Variants in PEPD observed in about 807,000 individuals in gnomAD.
PEPD encodes the protein xaa-Pro dipeptidase.
PEPD carries 53 observed loss-of-function variants against 60.7 expected under a neutral mutation model. That is an observed-to-expected ratio of 0.87 (90% CI 0.70 to 1.10). The LOEUF (loss-of-function observed/expected upper bound fraction) is 1.10. Among genes scored for constraint, PEPD ranks in the 50% least tolerant of loss-of-function variants. The pLI, the probability that PEPD is intolerant of heterozygous loss-of-function variation, is 0.00. For synonymous variants in PEPD, 267 were observed against 284.1 expected (o/e 0.94, Z 0.60); for missense variants, 711 against 711.9 (o/e 1.00, Z 0.01).
intron 12 of PEPD, among the ~76,000 whole-genome samples, chr19:33,400,251 C>T (rs1480341680): frequency 1.3e-5 from 2 of 152,142 alleles, no homozygotes; most frequent in Non-Finnish European, 2.9e-5. Context: ...CTGACCTCGA[C>T]CCAGATGGAG....
chr19:33,520,234 G>A (rs143451930), intron 1 of PEPD, among the ~76,000 whole-genome samples: 71 of 152,166 alleles, frequency 4.7e-4, no homozygotes, highest in South Asian at 2.3e-3. Flanking sequence ...TGTGAGCACC[G>A]AGCCAGCCTA....
At chr19:33,460,752 C>T (rs1969910725) in intron 9 of PEPD, among the ~76,000 whole-genome samples, 2 of 152,168 alleles carry the variant, frequency 1.3e-5, no homozygotes, top group South Asian at 4.1e-4. Flanking sequence ...CCACTCAGCA[C>T]CCTGTGGGAG....
intron 9 of PEPD, among the ~76,000 whole-genome samples, chr19:33,437,986 C>T (rs1274244168): frequency 6.6e-6 from 1 of 152,200 alleles, no homozygotes; most frequent in Admixed American, 6.5e-5. Flanking sequence ...ACAGAAAAAA[C>T]AATGCAGGAA....
intron 9 of PEPD, among the ~76,000 whole-genome samples, chr19:33,440,279 A>G (rs1166625753): frequency 6.6e-6 from 1 of 152,088 alleles, no homozygotes; most frequent in Non-Finnish European, 1.5e-5. Flanking sequence ...CCCTGGAGTC[A>G]TCCTGGACTC....
chr19:33,516,519 C>T (rs1971025415), intron 1 of PEPD, among the ~76,000 whole-genome samples: 1 of 152,108 alleles, frequency 6.6e-6, no homozygotes, highest in African/African-American at 2.4e-5. Context: ...AACGGAGTGA[C>T]CAAGACTGAG....
chr19:33,404,828 C>G (rs926886090), intron 11 of PEPD, among the ~76,000 whole-genome samples: 1 of 152,064 alleles, frequency 6.6e-6, no homozygotes, highest in Non-Finnish European at 1.5e-5. Context: ...TAAAAAAATC[C>G]CCCTAGAGTT....
chr19:33,500,641 G>A (rs1350250925), intron 4 of PEPD, among the ~76,000 whole-genome samples: 1 of 152,234 alleles, frequency 6.6e-6, no homozygotes, highest in Non-Finnish European at 1.5e-5. Flanking sequence ...GCTGCAGGCA[G>A]GCCCGCCTCT....
chr19:33,415,462 G>A (rs945866412), intron 9 of PEPD, among the ~76,000 whole-genome samples: 7 of 152,208 alleles, frequency 4.6e-5, no homozygotes, highest in South Asian at 2.1e-4. Context: ...GCTTGAGGCC[G>A]GGAGTTCAAG....
At chr19:33,462,109 G>A (rs1215647113) in intron 9 of PEPD, among the ~76,000 whole-genome samples, 1 of 152,260 alleles carries the variant, frequency 6.6e-6, no homozygotes, top group African/African-American at 2.4e-5. Flanking sequence ...GGCCAGCCTG[G>A]GAGGGTGATA....
intron 12 of PEPD, among the ~76,000 whole-genome samples, chr19:33,394,015 CA>C (rs1568447143): frequency 6.6e-6 from 1 of 152,276 alleles, no homozygotes; most frequent in Non-Finnish European, 1.5e-5. Context: ...ATCCAGCCTG[CA>C]GCCGTCCCCT....
chr19:33,466,774 T>G (rs199963245), intron 7 of PEPD, among the ~76,000 whole-genome samples: 2 of 119,138 alleles, frequency 1.7e-5, no homozygotes, highest in Non-Finnish European at 4.1e-5. Context: ...AAAAAAGAAA[T>G]AAAAATTTTT....
At chr19:33,452,304 AG>A (rs1969713551) in intron 9 of PEPD, among the ~76,000 whole-genome samples, 2 of 152,350 alleles carry the variant, frequency 1.3e-5, no homozygotes, top group South Asian at 4.1e-4. Flanking sequence ...GATATAGCTA[AG>A]GCAGTATTCA....
At chr19:33,411,810 G>C in intron 10 of PEPD, 61 bp from the exon 11 acceptor site, 1 of 1,024,932 alleles carries the variant, frequency 9.8e-7, no homozygotes, top group African/African-American at 1.6e-5. Flanking sequence ...TCTGAAGGAG[G>C]GGGTGGATGC....
intron 12 of PEPD, among the ~76,000 whole-genome samples, chr19:33,399,361 G>A (rs981671607): frequency 1.3e-5 from 2 of 152,186 alleles, no homozygotes; most frequent in Non-Finnish European, 2.9e-5. Flanking sequence ...TCCGATCAGC[G>A]CTGTCACCCC....
chr19:33,505,694 A>G (rs1392396950), intron 3 of PEPD, among the ~76,000 whole-genome samples: 1 of 151,452 alleles, frequency 6.6e-6, no homozygotes, highest in Non-Finnish European at 1.5e-5. Context: ...CAAACACCCT[A>G]CACAACACAC....
chr19:33,392,770 C>T (rs1968256323), intron 12 of PEPD, among the ~76,000 whole-genome samples: 2 of 152,192 alleles, frequency 1.3e-5, no homozygotes, highest in South Asian at 4.1e-4. Context: ...GAGGGCTGGG[C>T]TGTGAGAAGC....
At chr19:33,477,435 A>C (rs1427669087) in intron 7 of PEPD, 2 of 168,926 alleles carry the variant, frequency 1.2e-5, no homozygotes, top group East Asian at 3.0e-4. Context: ...GCAGCCATCC[A>C]TCAAAGAAAA....
chr19:33,511,326 C>T (rs1970922844), intron 2 of PEPD, 171 bp from the exon 3 acceptor site: 3 of 677,080 alleles, frequency 4.4e-6, no homozygotes, highest in Non-Finnish European at 5.2e-6. Flanking sequence ...GCTCATCCTC[C>T]CGTAGTTTGG....
intron 9 of PEPD, among the ~76,000 whole-genome samples, chr19:33,457,708 C>G (rs930211743): frequency 1.3e-5 from 2 of 152,230 alleles, no homozygotes; most frequent in Non-Finnish European, 2.9e-5. Flanking sequence ...GACGCGGTTT[C>G]ACCGCGTTAG....
Sources: gnomAD v4.1 joint callset for allele counts (sites outside exome capture counted in the v4.1 genomes callset) on GRCh38, gnomAD v4.1.1 for gene constraint, MANE v1.5 for transcripts, NCBI Gene and HGNC (gene_info 2026-07-23, HGNC 2026-07-21) for gene names.